Variants in COL21A1 observed in about 807,000 individuals in gnomAD.
The protein encoded by COL21A1 is collagen type XXI alpha 1 chain.
Under a neutral mutation model 137.9 loss-of-function variants are expected in COL21A1, and 149 were observed. That is an observed-to-expected ratio of 1.08 (90% CI 0.95 to 1.24). COL21A1 has a LOEUF of 1.24. COL21A1 is among the 50% of genes most tolerant of loss of function. The pLI is 0.00. For synonymous variants in COL21A1, 456 were observed against 391.5 expected, an observed-to-expected ratio of 1.16 and a Z score of -1.95; for missense variants, 1,167 against 1,158.4, an observed-to-expected ratio of 1.01 and a Z score of -0.11.
At chr6:56,361,614 A>G (rs1040049853) in intron 1 of COL21A1, among the ~76,000 whole-genome samples, 1 of 152,184 alleles carries the variant, frequency 6.6e-6, no homozygotes, top group African/African-American at 2.4e-5. Context: ...TTGGTTTTAA[A>G]AATAATGGCA....
At chr6:56,286,153 A>G (rs191102776) in intron 1 of COL21A1, among the ~76,000 whole-genome samples, 1 of 152,326 alleles carries the variant, frequency 6.6e-6, no homozygotes, top group Admixed American at 6.5e-5. Flanking sequence ...AGTTTATGCA[A>G]GGTTTAAACA....
intron 1 of COL21A1, among the ~76,000 whole-genome samples, chr6:56,282,928 C>T (rs1365097327): frequency 2.0e-5 from 3 of 152,134 alleles, no homozygotes; most frequent in Non-Finnish European, 4.4e-5. Context: ...TCCTGAATTA[C>T]TATTAAGTTT....
At chr6:56,197,536 T>C (rs1436154987) in intron 1 of COL21A1, among the ~76,000 whole-genome samples, 1 of 152,060 alleles carries the variant, frequency 6.6e-6, no homozygotes, top group Non-Finnish European at 1.5e-5. Flanking sequence ...GATTAAAGGA[T>C]AGGCAAATGA....
chr6:56,305,276 C>T (rs1366162735), intron 1 of COL21A1, among the ~76,000 whole-genome samples: 3 of 152,056 alleles, frequency 2.0e-5, no homozygotes, highest in Non-Finnish European at 4.4e-5. Flanking sequence ...GAGTTCAATT[C>T]CTGCATATCC....
At chr6:56,355,188 AG>A (rs1765802849) in intron 1 of COL21A1, among the ~76,000 whole-genome samples, 1 of 152,156 alleles carries the variant, frequency 6.6e-6, no homozygotes, top group Non-Finnish European at 1.5e-5. Context: ...GTCATTACAA[AG>A]CTTAAGATAG....
At chr6:56,110,952 C>G (rs1233256267) in intron 16 of COL21A1, among the ~76,000 whole-genome samples, 2 of 152,062 alleles carry the variant, frequency 1.3e-5, no homozygotes, top group Admixed American at 1.3e-4. Context: ...GAGCTTAAGT[C>G]TACACCCCAC....
chr6:56,292,363 T>C (rs1764065734), intron 1 of COL21A1, among the ~76,000 whole-genome samples: 1 of 151,044 alleles, frequency 6.6e-6, no homozygotes, highest in Admixed American at 6.6e-5. Context: ...AATTTATATA[T>C]GGTGTAATTA....
At chr6:56,211,420 A>C (rs999337020) in intron 1 of COL21A1, among the ~76,000 whole-genome samples, 1 of 151,978 alleles carries the variant, frequency 6.6e-6, no homozygotes, top group African/African-American at 2.4e-5. Context: ...CCTTTTTAAT[A>C]GTTGGAGTTA....
intron 1 of COL21A1, among the ~76,000 whole-genome samples, chr6:56,342,067 TG>T (rs1351637221): frequency 1.3e-5 from 2 of 152,230 alleles, no homozygotes; most frequent in Non-Finnish European, 2.9e-5. Flanking sequence ...TGGGCTCCAG[TG>T]TTTGTATTTC....
chr6:56,220,889 G>C (rs552247953), intron 1 of COL21A1, among the ~76,000 whole-genome samples: 36 of 152,214 alleles, frequency 2.4e-4, no homozygotes, highest in African/African-American at 8.2e-4. Flanking sequence ...TTTAAAGGAA[G>C]CTGGTCACAA....
chr6:56,083,988 A>G (rs1768007557), intron 17 of COL21A1, among the ~76,000 whole-genome samples: 1 of 151,986 alleles, frequency 6.6e-6, no homozygotes, highest in Non-Finnish European at 1.5e-5. Context: ...TTCATTATTA[A>G]AAATTTATCA....
intron 5 of COL21A1, among the ~76,000 whole-genome samples, chr6:56,169,025 C>A (rs1317208416): frequency 6.6e-6 from 1 of 151,938 alleles, no homozygotes; most frequent in Non-Finnish European, 1.5e-5. Context: ...TTCTTCTTGA[C>A]CCCATTTCCC....
intron 2 of COL21A1, among the ~76,000 whole-genome samples, chr6:56,181,767 A>G (rs1413017070): frequency 6.6e-6 from 1 of 152,206 alleles, no homozygotes; most frequent in African/African-American, 2.4e-5. Context: ...AATACTAGTT[A>G]CTGCCCTCAC....
At chr6:56,385,628 TC>T (rs1464791180) in intron 1 of COL21A1, among the ~76,000 whole-genome samples, 1 of 152,116 alleles carries the variant, frequency 6.6e-6, no homozygotes, top group Non-Finnish European at 1.5e-5. Flanking sequence ...ATATAGTACA[TC>T]CACAGTGTTG....
At position 56,126,114 on chromosome 6, in the gene COL21A1, A is replaced by G. The variant is rs1168585695; in HGVS notation, c.1578T>C (p.His526=). Residue 526 remains histidine (H), a synonymous_variant, in exon 13 of 30, where the codon CAT becomes CAC. Coordinates refer to ENST00000244728, the MANE Select transcript of COL21A1 (RefSeq NM_030820.4). ...CTTCAACCTTTGATCCTGGCATGCC[A>G]TGAAGCCCAGGAAAACCAGGAAGTC... ...DRGLPGFPGL[H]GMPGSKGEMG... The G allele has an allele frequency of 2.6e-6, 4 of 1,548,676 alleles. No individual in the cohort carries two copies. The highest frequency in any genetic ancestry group is 3.5e-6 in the Non-Finnish European group (4 of 1,145,410).
intron 10 of COL21A1, among the ~76,000 whole-genome samples, chr6:56,152,675 AT>A (rs35521529): frequency 3.7e-4 from 56 of 149,454 alleles, no homozygotes; most frequent in East Asian, 1.4e-3. Flanking sequence ...GCATGGGAAG[AT>A]TTTTTTTTTT....
intron 18 of COL21A1, among the ~76,000 whole-genome samples, chr6:56,076,083 G>C (rs1172162313): frequency 6.6e-6 from 1 of 151,406 alleles, no homozygotes; most frequent in Admixed American, 6.6e-5. Context: ...ATAATTATGA[G>C]AATTTGAACT....
chr6:56,227,128 T>C (rs899137071), intron 1 of COL21A1, among the ~76,000 whole-genome samples: 27 of 152,016 alleles, frequency 1.8e-4, no homozygotes, highest in Non-Finnish European at 3.2e-4. Context: ...TCAGCGTCAC[T>C]GGGATGCTAC....
intron 1 of COL21A1, among the ~76,000 whole-genome samples, chr6:56,305,356 G>A (rs1191277683): frequency 2.0e-5 from 3 of 152,132 alleles, no homozygotes; most frequent in Admixed American, 2.0e-4. Flanking sequence ...CATGATTATT[G>A]TGTGGGAGTC....
Sources: allele counts gnomAD v4.1 joint callset (sites outside exome capture counted in the v4.1 genomes callset), GRCh38; gene constraint gnomAD v4.1.1; transcripts MANE v1.5; gene names NCBI Gene and HGNC (gene_info 2026-07-23, HGNC 2026-07-21).